The following NLRC4 variants were observed in gnomAD, a reference collection of about 807,000 sequenced individuals.
NLRC4 encodes the protein NLR family CARD domain-containing protein 4.
Under a neutral mutation model 79.9 loss-of-function variants are expected in NLRC4, and 63 were observed. The observed-to-expected ratio is 0.79, with a 90% CI of 0.64 to 0.97. The LOEUF (loss-of-function observed/expected upper bound fraction) is 0.97. Among genes scored for constraint, NLRC4 ranks in the 50% least tolerant of loss-of-function variants. The pLI, the probability that NLRC4 is intolerant of heterozygous loss-of-function variation, is 0.00. For synonymous variants in NLRC4, 461 were observed against 456.5 expected (o/e 1.01, Z -0.12); for missense variants, 1,074 against 1,215.2 (o/e 0.88, Z 1.73).
intron 1 of NLRC4, among the ~76,000 whole-genome samples, chr2:32,258,065 G>C (rs572811289): frequency 6.6e-6 from 1 of 152,174 alleles, no homozygotes; most frequent in Non-Finnish European, 1.5e-5. Flanking sequence ...TGGAGAATGA[G>C]CGCAAGGTTT....
At chr2:32,246,122 T>A (rs1448918552) in intron 4 of NLRC4, among the ~76,000 whole-genome samples, 1 of 152,150 alleles carries the variant, frequency 6.6e-6, no homozygotes, top group Non-Finnish European at 1.5e-5. Context: ...AGGTGGAGGT[T>A]GCAGTGAGCC....
chr2:32,263,893 G>A (rs759284131), intron 1 of NLRC4, among the ~76,000 whole-genome samples: 2 of 152,136 alleles, frequency 1.3e-5, no homozygotes, highest in Non-Finnish European at 2.9e-5. Flanking sequence ...TGTGATGTAG[G>A]GCAGGACATT....
intron 5 of NLRC4, among the ~76,000 whole-genome samples, chr2:32,239,389 C>T (rs182565672): frequency 6.6e-6 from 1 of 152,262 alleles, no homozygotes; most frequent in Admixed American, 6.5e-5. Context: ...TAATGTGGTG[C>T]CTGGCACATA....
chr2:32,244,271 T>A (rs142714552), intron 4 of NLRC4, among the ~76,000 whole-genome samples: 70 of 151,708 alleles, frequency 4.6e-4, no homozygotes, highest in African/African-American at 1.6e-3. Flanking sequence ...AAAAATAATT[T>A]AATAAAAACA....
At chr2:32,252,756 C>T (rs1277073646) in intron 2 of NLRC4, 77 bp from the exon 3 acceptor site, 48 of 1,286,436 alleles carry the variant, frequency 3.7e-5, no homozygotes, top group Non-Finnish European at 5.3e-5. Flanking sequence ...CGGTGGCTCA[C>T]GCCTGTAATC....
chr2:32,250,955 G>A lies in NLRC4; in HGVS notation c.909C>T (p.Asp303=), dbSNP rs761116100. 7.4e-6 allele frequency: 12 copies of A among 1,614,054 alleles called. No homozygotes were observed. In the African/African-American group the frequency reaches 8.0e-5, roughly 11 times the overall value. The change falls in exon 4 of 9, where the codon GAC becomes GAT. Residue 303 remains aspartate (D), a synonymous_variant. Coordinates refer to ENST00000402280, the MANE Select transcript of NLRC4 (RefSeq NM_001199138.2). This position sits in a 1 kb window ranked among gnomAD's most constrained non-coding sequence, Gnocchi z 4.9. ...CTTCTCGGATGAGAGCCTGGGCGCTGTCTTCTGTCATATCCCCCACCTCAG... is the reference window on the plus strand; with the variant it reads ...CTTCTCGGATGAGAGCCTGGGCGCTATCTTCTGTCATATCCCCCACCTCAG... ...LTAEVGDMTE[D]SAQALIREVL...
Position 32,251,190 on chromosome 2 carries a change from C to T in NLRC4, c.674G>A (p.Gly225Asp). 6.2e-7 allele frequency: 1 copy of T among 1,614,184 alleles called. No individual in the cohort carries two copies. Among genetic ancestry groups the T allele is most frequent in the Non-Finnish European group, 8.5e-7 (1 of 1,180,024 alleles). ...CATGAATGTCTGCTTCCTGATTGTG[C>T]CAGGTATATCCAGGAGTTGATCACA... The part of the protein sequence containing the change: ...TLCDQLLDIP[G>D]TIRKQTFMAM... Residue 225 changes from glycine (G) to aspartate (D), a missense_variant, in exon 4 of 9, where the codon GGC becomes GAC. Physicochemically the swap from Gly to Asp is moderately conservative, Grantham distance 94 (BLOSUM62 -1). Coordinates refer to ENST00000402280, the MANE Select transcript of NLRC4 (RefSeq NM_001199138.2).
chr2:32,255,216 T>C (rs2148945426), intron 2 of NLRC4, among the ~76,000 whole-genome samples: 1 of 150,500 alleles, frequency 6.6e-6, no homozygotes, highest in African/African-American at 2.5e-5. Context: ...ATCTTCAGTT[T>C]AGAGCTAAAG....
At chr2:32,253,560 T>C (rs7562653) in intron 2 of NLRC4, among the ~76,000 whole-genome samples, 110,663 of 152,058 alleles carry the variant, frequency 0.73, 40,682 homozygotes, top group African/African-American at 0.79. Context: ...CCAGTGAGGT[T>C]GTAGTTGTAA....
chr2:32,242,255 T>C (rs1686823084), intron 4 of NLRC4, among the ~76,000 whole-genome samples: 1 of 151,970 alleles, frequency 6.6e-6, no homozygotes. Flanking sequence ...ATCAATAAAA[T>C]TTAAAAATTT....
chr2:32,232,281 C>T (rs1258087657), intron 8 of NLRC4, among the ~76,000 whole-genome samples: 4 of 152,136 alleles, frequency 2.6e-5, no homozygotes, highest in African/African-American at 4.8e-5. Context: ...TGATATACAG[C>T]GTTTTCTTAC....
At chr2:32,259,818 A>G (rs1408877900) in intron 1 of NLRC4, among the ~76,000 whole-genome samples, 1 of 152,184 alleles carries the variant, frequency 6.6e-6, no homozygotes, top group Non-Finnish European at 1.5e-5. Flanking sequence ...GGAATCATAC[A>G]GTATGTGCTA....
intron 2 of NLRC4, among the ~76,000 whole-genome samples, chr2:32,255,520 CAA>C (rs1385459440): frequency 1.3e-3 from 51 of 38,588 alleles, no homozygotes; most frequent in Non-Finnish European, 7.1e-4. Flanking sequence ...AACTCCGTCT[CAA>C]AAAAAAAAAA....
rs1001427041 is a variant in NLRC4, at chr2:32,235,709, G to C, written c.2615-141C>G. 3 of 695,112 alleles carry C rather than the reference G, an allele frequency of 4.3e-6. No homozygotes were observed. In the African/African-American group the frequency reaches 5.4e-5, roughly 13 times the overall value. The allele number at this position is 695,112 out of a possible 1,614,324, so 43.1% of individuals were successfully genotyped here. ...TGTAATGAGAATCTACTTAATTTTT[G>C]GTTTTTTTTTGGAAAGTATTCAAGC... On this transcript the variant is annotated intron_variant, in intron 7 of 8. Transcript: ENST00000402280.
intron 5 of NLRC4, 144 bp from the exon 6 acceptor site, chr2:32,238,446 C>T (rs976559354): frequency 3.7e-5 from 25 of 673,056 alleles, no homozygotes; most frequent in Admixed American, 1.9e-4. Flanking sequence ...TACAAAGAAT[C>T]AACGAGAGCT....
At chr2:32,242,216 A>G (rs1197968202) in intron 4 of NLRC4, among the ~76,000 whole-genome samples, 2 of 152,166 alleles carry the variant, frequency 1.3e-5, no homozygotes, top group African/African-American at 4.8e-5. Context: ...AAAAAAATCA[A>G]TGAAGCTAAA....
chr2:32,256,746 C>T, intron 2 of NLRC4, 29 bp downstream of exon 2: 1 of 780,678 alleles, frequency 1.3e-6, no homozygotes, highest in Non-Finnish European at 2.4e-6. Context: ...ACTGTATAAC[C>T]AGGCAGATGT....
chr2:32,254,751 T>C (rs983180930), intron 2 of NLRC4, among the ~76,000 whole-genome samples: 4 of 151,390 alleles, frequency 2.6e-5, no homozygotes, highest in African/African-American at 9.8e-5. Context: ...CCCAAGCAGC[T>C]GGGATTACAG....
At chr2:32,237,991 TC>T (rs1686710676) in intron 6 of NLRC4, 140 bp downstream of exon 6, 5 of 521,876 alleles carry the variant, frequency 9.6e-6, no homozygotes, top group Admixed American at 3.9e-5. Context: ...TTAAAAACAA[TC>T]TGCTTATTAT....
Sources: gnomAD v4.1 joint callset for allele counts (sites outside exome capture counted in the v4.1 genomes callset) on GRCh38, gnomAD v4.1.1 for gene constraint, Gnocchi (gnomAD v3.1) non-coding constraint, MANE v1.5 for transcripts, NCBI Gene and HGNC (gene_info 2026-07-23, HGNC 2026-07-21) for gene names.